The following CADM2 variants were observed in gnomAD, a reference collection of about 807,000 sequenced individuals.
CADM2 encodes the protein cell adhesion molecule 2.
In CADM2, 12 loss-of-function variants were observed where a neutral mutation model predicts 49.8. The ratio of observed to expected loss-of-function variants is 0.24; its 90% CI spans 0.15 to 0.39. The LOEUF (loss-of-function observed/expected upper bound fraction) is 0.39. Ranked by LOEUF, CADM2 falls within the 10% of genes least tolerant of loss-of-function variation. The pLI, the probability that CADM2 is intolerant of heterozygous loss-of-function variation, is 1.00. For missense variants in CADM2, 378 were observed against 492.3 expected, an observed-to-expected ratio of 0.77 and a Z score of 2.20; for synonymous variants, 214 against 175.4, an observed-to-expected ratio of 1.22 and a Z score of -1.74.
Position 86,071,310 on chromosome 3 carries a change from TC to T in CADM2, c.*4528del, listed in dbSNP as rs1321877567. The T allele has an allele frequency of 6.6e-6, 1 of 151,912 alleles. No homozygotes were observed. The highest frequency in any genetic ancestry group is 2.4e-5 in the African/African-American group (1 of 41,434). 9.4% of individuals were successfully genotyped at this position (151,912 alleles called of 1,614,324 possible). ...TTAATGGGAATTTTAAAATATCTTTTCTTTTTCTATTCATTTTTTCCCTTTC... is the reference window on the plus strand; with the variant it reads ...TTAATGGGAATTTTAAAATATCTTTTTTTTTCTATTCATTTTTTCCCTTTC... On this transcript the variant is annotated 3_prime_UTR_variant, in exon 10 of 10. Transcript: ENST00000383699.
At chr3:85,981,115 TG>T (rs1727427916) in intron 8 of CADM2, among the ~76,000 whole-genome samples, 1 of 151,118 alleles carries the variant, frequency 6.6e-6, no homozygotes, top group African/African-American at 2.4e-5. Flanking sequence ...TCCGGTCTTT[TG>T]AAAAAAAAAT....
At chr3:85,551,492 G>T (rs962399307) in intron 1 of CADM2, among the ~76,000 whole-genome samples, 1 of 152,054 alleles carries the variant, frequency 6.6e-6, no homozygotes, top group Admixed American at 6.6e-5. Context: ...GTGATTCACT[G>T]AATAAGTGAA....
chr3:85,305,464 C>G (rs2044190906), intron 1 of CADM2, among the ~76,000 whole-genome samples: 1 of 151,426 alleles, frequency 6.6e-6, no homozygotes, highest in African/African-American at 2.4e-5. Flanking sequence ...AATTTCTTGC[C>G]AAATTTCAAA....
intron 1 of CADM2, among the ~76,000 whole-genome samples, chr3:85,191,944 GTT>G (rs1491584422): frequency 1.9e-5 from 2 of 105,204 alleles, no homozygotes; most frequent in South Asian, 5.8e-4. Flanking sequence ...AGATGAAACA[GTT>G]GTGTGTGTGT....
intron 1 of CADM2, among the ~76,000 whole-genome samples, chr3:85,647,069 G>C (rs1242837260): frequency 6.6e-6 from 1 of 151,658 alleles, no homozygotes; most frequent in East Asian, 1.9e-4. Flanking sequence ...TTTAAGCTTT[G>C]GTCTCATCGT....
At chr3:85,701,576 G>A (rs566912885) in intron 1 of CADM2, among the ~76,000 whole-genome samples, 1 of 152,170 alleles carries the variant, frequency 6.6e-6, no homozygotes, top group African/African-American at 2.4e-5. Context: ...CCTTTGAGGA[G>A]TGGCAAAGAA....
Position 85,234,110 on chromosome 3 carries a change from T to G in CADM2, c.61+274442T>G, listed in dbSNP as rs116412588. Among the ~76,000 whole-genome samples, 710 of 152,154 alleles carry G rather than the reference T, an allele frequency of 4.7e-3. 6 individuals are homozygous for G. The highest frequency in any genetic ancestry group is 0.017 in the African/African-American group (688 of 41,552). ...TAGGTTACCTGAGTTATACAGAAATTAGTAAATTTCCCAAGGTTCCATAGA... is the reference window on the plus strand; with the variant it reads ...TAGGTTACCTGAGTTATACAGAAATGAGTAAATTTCCCAAGGTTCCATAGA... On this transcript the variant is annotated intron_variant, in intron 1 of 9. Coordinates refer to ENST00000383699, the MANE Select transcript of CADM2 (RefSeq NM_001167675.2).
intron 1 of CADM2, among the ~76,000 whole-genome samples, chr3:85,366,447 G>A (rs1404598279): frequency 1.3e-5 from 2 of 152,102 alleles, no homozygotes; most frequent in African/African-American, 2.4e-5. Flanking sequence ...TGAACCAAGT[G>A]TTTTATAATA....
chr3:85,445,556 G>C (rs2037408754), intron 1 of CADM2, among the ~76,000 whole-genome samples: 1 of 151,976 alleles, frequency 6.6e-6, no homozygotes, highest in Admixed American at 6.5e-5. Context: ...AAGAAATATG[G>C]TTTCTTGCCT....
At chr3:85,995,607 A>G (rs541316277) in intron 8 of CADM2, among the ~76,000 whole-genome samples, 54 of 152,336 alleles carry the variant, frequency 3.5e-4, no homozygotes, top group Non-Finnish European at 4.9e-4. Context: ...TAAGATATTT[A>G]CTTATGACCA....
chr3:85,842,840 G>A lies in CADM2; in HGVS notation c.239-40451G>A, dbSNP rs559115217. On this transcript the variant is annotated intron_variant, in intron 3 of 9. Transcript: ENST00000383699. ...ATAAATAATTATATTAAATTCATTA[G>A]ATATTAGATTCATAAATTAGTAGAT... Among the ~76,000 whole-genome samples, 381 of 152,134 alleles carry A rather than the reference G, an allele frequency of 2.5e-3. 1 individual carries two copies. The highest frequency in any genetic ancestry group is 8.9e-3 in the African/African-American group (369 of 41,510).
intron 2 of CADM2, among the ~76,000 whole-genome samples, chr3:85,757,574 G>A (rs1419402541): frequency 5.3e-5 from 8 of 152,088 alleles, no homozygotes; most frequent in Non-Finnish European, 1.2e-4. Flanking sequence ...TAAAATACGA[G>A]GAGTGATAAA....
chr3:86,032,056 A>G lies in CADM2; in HGVS notation c.971-33549A>G, dbSNP rs186162063. On this transcript the variant is annotated intron_variant, in intron 8 of 9. Transcript: ENST00000383699. The stretch of plus-strand genomic sequence containing the variant: ...TAACCAAGATATTTTTTTCTTCTCT[A>G]TGTGTCAATAAATAATGATTTTTCC... Among the ~76,000 whole-genome samples the G allele has an allele frequency of 3.4e-3, 515 of 151,806 alleles. 3 individuals are homozygous for G. Among genetic ancestry groups the G allele is most frequent in the Non-Finnish European group, 6.1e-3 (414 of 67,712 alleles).
intron 1 of CADM2, among the ~76,000 whole-genome samples, chr3:85,201,553 T>C (rs909327739): frequency 1.3e-5 from 2 of 152,194 alleles, no homozygotes; most frequent in South Asian, 4.1e-4. Flanking sequence ...CCGCATTGAT[T>C]GACTCCACCT....
chr3:85,246,663 A>G (rs915263709), intron 1 of CADM2, among the ~76,000 whole-genome samples: 11 of 151,650 alleles, frequency 7.3e-5, no homozygotes, highest in African/African-American at 2.7e-4. Flanking sequence ...GGAGTTAACC[A>G]GATTTCTAGT....
At chr3:85,498,309 TAAC>T (rs924451544) in intron 1 of CADM2, among the ~76,000 whole-genome samples, 12 of 151,736 alleles carry the variant, frequency 7.9e-5, no homozygotes, top group South Asian at 6.2e-4. Flanking sequence ...TCACAGAAAA[TAAC>T]AACAACAACT....
chr3:85,998,717 T>C (rs1157593315), intron 8 of CADM2, among the ~76,000 whole-genome samples: 1 of 151,986 alleles, frequency 6.6e-6, no homozygotes, highest in African/African-American at 2.4e-5. Flanking sequence ...CTTTTGAAGA[T>C]TGCTGTGATA....
chr3:85,824,324 C>T (rs1189218509), intron 3 of CADM2, among the ~76,000 whole-genome samples: 1 of 151,994 alleles, frequency 6.6e-6, no homozygotes, highest in Non-Finnish European at 1.5e-5. Flanking sequence ...GTTTAGAGTG[C>T]TGTGTCATGG....
chr3:85,599,654 CCTAA>C (rs2063339655), intron 1 of CADM2, among the ~76,000 whole-genome samples: 1 of 150,716 alleles, frequency 6.6e-6, no homozygotes, highest in East Asian at 2.0e-4. Context: ...AATTATATCC[CCTAA>C]AAATCACATG....
Sources: allele counts gnomAD v4.1 joint callset (sites outside exome capture counted in the v4.1 genomes callset), GRCh38; gene constraint gnomAD v4.1.1; transcripts MANE v1.5; gene names NCBI Gene and HGNC (gene_info 2026-07-23, HGNC 2026-07-21).